The following BBS2 variants were observed in gnomAD, a reference collection of about 807,000 sequenced individuals.
BBS2 encodes the protein Bardet-Biedl syndrome 2, also known as BBSome complex member BBS2.
A neutral mutation model predicts 83.0 loss-of-function variants in BBS2; 62 were observed. The observed-to-expected ratio is 0.75, with a 90% CI of 0.61 to 0.92. The LOEUF (loss-of-function observed/expected upper bound fraction) is 0.92. BBS2 is among the 40% of genes least tolerant of loss of function. BBS2 has a pLI of 0.00. For synonymous variants in BBS2, 303 were observed against 326.1 expected (o/e 0.93, Z 0.76); for missense variants, 784 against 901.0 (o/e 0.87, Z 1.66).
chr16:56,498,890 T>G (rs1377773350), intron 12 of BBS2: 4 of 426,118 alleles, frequency 9.4e-6, no homozygotes, highest in African/African-American at 8.2e-5. Flanking sequence ...TACAAATGAT[T>G]CAGGTATGAT....
chr16:56,512,665 A>G (rs1164048102), intron 2 of BBS2, among the ~76,000 whole-genome samples: 1 of 152,248 alleles, frequency 6.6e-6, no homozygotes, highest in Non-Finnish European at 1.5e-5. Flanking sequence ...CTAAGCTGAC[A>G]GAAGTCAGAA....
chr16:56,507,039 A>G (rs1964439514), intron 5 of BBS2, among the ~76,000 whole-genome samples: 1 of 152,244 alleles, frequency 6.6e-6, no homozygotes, highest in South Asian at 2.1e-4. Context: ...GCTTTTCTAC[A>G]AAACCACCCA....
chr16:56,506,375 T>C, intron 5 of BBS2, 151 bp from the exon 6 acceptor site: 1 of 689,594 alleles, frequency 1.5e-6, no homozygotes, highest in East Asian at 2.7e-5. Context: ...AATGTATTCC[T>C]CTTCTCTACG....
At chr16:56,505,044 C>T (rs1275025720) in intron 7 of BBS2, among the ~76,000 whole-genome samples, 1 of 152,178 alleles carries the variant, frequency 6.6e-6, no homozygotes, top group African/African-American at 2.4e-5. Context: ...TTGATGGGGG[C>T]TTCCCAGCCT....
At chr16:56,474,958 G>A in intron 17 of BBS2, 3 of 1,613,084 alleles carry the variant, frequency 1.9e-6, no homozygotes, top group Non-Finnish European at 2.5e-6. Flanking sequence ...AAGGTAAGAG[G>A]GAGGAAAGCA....
At chr16:56,494,125 ATT>A (rs774708101) in intron 15 of BBS2, among the ~76,000 whole-genome samples, 12 of 120,152 alleles carry the variant, frequency 1.0e-4, no homozygotes, top group Admixed American at 8.5e-5. Context: ...TGCCCAGCTA[ATT>A]TTTTTTTTTT....
chr16:56,471,927 G>T (rs996907179), intron 17 of BBS2, among the ~76,000 whole-genome samples: 1 of 151,888 alleles, frequency 6.6e-6, no homozygotes, highest in Non-Finnish European at 1.5e-5. Context: ...TGTCTCAAAG[G>T]GATTTTTTAA....
In BBS2 at chr16:56,501,224, G is replaced by A; in HGVS notation, c.1225+129C>T. 2.2e-6 allele frequency: 3 copies of A among 1,358,626 alleles called. No individual in the cohort carries two copies. In the East Asian group the frequency reaches 6.9e-5, roughly 31 times the overall value. 84.2% of individuals were successfully genotyped at this position (1,358,626 alleles called of 1,614,324 possible). ...ACTTGGGAGGCTGAGACAGGAGAAT[G>A]GCATGAACCCGGGAGGCAGAGCTTG... On this transcript the variant is annotated intron_variant, in intron 10 of 16. Transcript: ENST00000245157.
intron 17 of BBS2, among the ~76,000 whole-genome samples, chr16:56,474,669 C>A (rs1236652106): frequency 6.6e-6 from 1 of 152,102 alleles, no homozygotes; most frequent in Non-Finnish European, 1.5e-5. Flanking sequence ...TCCTAACAAT[C>A]TTTTATAAGG....
At chr16:56,517,151 C>T (rs1380528924) in intron 1 of BBS2, among the ~76,000 whole-genome samples, 1 of 152,168 alleles carries the variant, frequency 6.6e-6, no homozygotes, top group African/African-American at 2.4e-5. Context: ...CCCTACATCC[C>T]GTCACAGAAC....
intron 1 of BBS2, among the ~76,000 whole-genome samples, chr16:56,519,100 G>A (rs1964837101): frequency 1.3e-5 from 2 of 152,158 alleles, no homozygotes; most frequent in Admixed American, 6.5e-5. Context: ...GGAGGCCGAG[G>A]CAGGTAAATC....
intron 17 of BBS2, chr16:56,470,814 C>G (rs2144034169): frequency 1.3e-6 from 2 of 1,538,122 alleles, no homozygotes; most frequent in East Asian, 4.6e-5. Context: ...TAGGATTTGT[C>G]CTTACTTACC....
chr16:56,499,929 C>G, intron 11 of BBS2, 22 bp from the exon 12 acceptor site: 1 of 1,613,430 alleles, frequency 6.2e-7, no homozygotes, highest in Non-Finnish European at 8.5e-7. Flanking sequence ...CAATGAAACA[C>G]AAGAGAATTG....
intron 2 of BBS2, among the ~76,000 whole-genome samples, chr16:56,512,754 A>G (rs1440321858): frequency 1.1e-4 from 17 of 152,154 alleles, no homozygotes; most frequent in African/African-American, 4.1e-4. Context: ...AATGTTCTCT[A>G]TTTTTATTGG....
chr16:56,475,295 T>C (rs763812502), intron 17 of BBS2, among the ~76,000 whole-genome samples: 12 of 152,232 alleles, frequency 7.9e-5, no homozygotes, highest in Non-Finnish European at 1.5e-4. Context: ...TAAGACTGCA[T>C]TTCAGTTCAG....
chr16:56,479,833 G>GT (rs1963617745), downstream of BBS2, among the ~76,000 whole-genome samples: 1 of 152,228 alleles, frequency 6.6e-6, no homozygotes, highest in South Asian at 2.1e-4. Flanking sequence ...AAGGGTCTCA[G>GT]TTTCAGCAGA....
chr16:56,518,522 C>T (rs984708636), intron 1 of BBS2, among the ~76,000 whole-genome samples: 1 of 152,192 alleles, frequency 6.6e-6, no homozygotes, highest in Non-Finnish European at 1.5e-5. Flanking sequence ...CATGACCCCA[C>T]GTATTAGGTA....
intron 5 of BBS2, among the ~76,000 whole-genome samples, chr16:56,506,982 A>C (rs1464784285): frequency 1.3e-5 from 2 of 152,232 alleles, no homozygotes; most frequent in African/African-American, 4.8e-5. Context: ...TTAAGAAATA[A>C]ATTGTATAAA....
In BBS2 at chr16:56,514,727, A is replaced by C. The variant is rs117550014; in HGVS notation, c.118-47T>G. 8,379 of 1,399,264 alleles carry C rather than the reference A, an allele frequency of 6.0e-3. 25 individuals carry two copies. Among genetic ancestry groups the C allele is most frequent in the Non-Finnish European group, 7.1e-3 (7,188 of 1,010,074 alleles). 86.7% of individuals were successfully genotyped at this position (1,399,264 alleles called of 1,614,324 possible). Reference sequence around the variant, plus strand: ...ACATTCCCTTAAAATATAAAAAATTAGTATCATACATTTTTTTAAAAAAGA... The same window carrying C: ...ACATTCCCTTAAAATATAAAAAATTCGTATCATACATTTTTTTAAAAAAGA... On this transcript the variant is annotated intron_variant, in intron 1 of 16. Transcript: ENST00000245157.
Sources: allele counts gnomAD v4.1 joint callset (sites outside exome capture counted in the v4.1 genomes callset), GRCh38; gene constraint gnomAD v4.1.1; transcripts MANE v1.5; gene names NCBI Gene and HGNC (gene_info 2026-07-23, HGNC 2026-07-21).